The following ZNF483 variants were observed in gnomAD, a reference collection of about 807,000 sequenced individuals.
ZNF483 encodes zinc finger protein 483.
Under a neutral mutation model 28.6 loss-of-function variants are expected in ZNF483, and 9 were observed. The ratio of observed to expected loss-of-function variants is 0.32; its 90% CI spans 0.19 to 0.55. The LOEUF (loss-of-function observed/expected upper bound fraction) is 0.55, where lower values mean the gene tolerates loss of function less well. Ranked by LOEUF, ZNF483 falls within the 20% of genes least tolerant of loss-of-function variation. ZNF483 has a pLI of 0.93. For missense variants in ZNF483, 675 were observed against 871.7 expected, an observed-to-expected ratio of 0.77 and a Z score of 2.84; for synonymous variants, 322 against 306.2, an observed-to-expected ratio of 1.05 and a Z score of -0.54.
chr9:111,562,830 T>C (rs937000447), intron 5 of ZNF483: 2 of 599,548 alleles, frequency 3.3e-6, no homozygotes, highest in Non-Finnish European at 4.7e-6. Context: ...CTCCCACTTA[T>C]GAATGAAAAC....
chr9:111,529,208 CTT>C (rs972443462), intron 2 of ZNF483, among the ~76,000 whole-genome samples: 1 of 151,658 alleles, frequency 6.6e-6, no homozygotes, highest in Non-Finnish European at 1.5e-5. Flanking sequence ...CCACTTTTCT[CTT>C]TGATTACGTA....
intron 5 of ZNF483, among the ~76,000 whole-genome samples, chr9:111,571,348 G>A (rs1357713414): frequency 1.3e-5 from 2 of 149,802 alleles, no homozygotes; most frequent in African/African-American, 4.8e-5. Flanking sequence ...GAAGGGGACT[G>A]CAGTGAGCTG....
At chr9:111,565,277 G>T (rs1287730491) in intron 5 of ZNF483, among the ~76,000 whole-genome samples, 1 of 152,166 alleles carries the variant, frequency 6.6e-6, no homozygotes, top group Non-Finnish European at 1.5e-5. Flanking sequence ...GTTGAAAAGA[G>T]AGAGGCCTGC....
downstream of ZNF483, among the ~76,000 whole-genome samples, chr9:111,557,482 GTC>G (rs1828159413): frequency 6.6e-6 from 1 of 151,616 alleles, no homozygotes; most frequent in African/African-American, 2.4e-5. Context: ...GTCTCGCTCT[GTC>G]TCTCAGGCTG....
chr9:111,544,115 C>T lies in ZNF483; in HGVS notation c.*945C>T. 1 of 985,432 alleles carries T rather than the reference C, an allele frequency of 1.0e-6. No individual in the cohort carries two copies. The highest frequency in any genetic ancestry group is 1.2e-6 in the Non-Finnish European group (1 of 829,962). The allele number at this position is 985,432 out of a possible 1,614,324, so 61.0% of individuals were successfully genotyped here. ...CCAACAGGACTGAGAAGCCAGAGAG[C>T]TTGCACCTGAGCCATCTCAGCCGTG... is the stretch of plus-strand genomic sequence containing the variant. On this transcript the variant is annotated 3_prime_UTR_variant, in exon 6 of 6. Coordinates refer to ENST00000309235, the MANE Select transcript of ZNF483 (RefSeq NM_133464.5).
At chr9:111,537,634 A>G (rs1827550189) in intron 5 of ZNF483, among the ~76,000 whole-genome samples, 1 of 151,540 alleles carries the variant, frequency 6.6e-6, no homozygotes, top group Non-Finnish European at 1.5e-5. Flanking sequence ...AGTTATTATT[A>G]TTATTATTTT....
In ZNF483 at chr9:111,543,149, G is replaced by T; in HGVS notation, c.2214G>T (p.Arg738=). 1 of 1,608,408 alleles carries T rather than the reference G, an allele frequency of 6.2e-7. No individual in the cohort carries two copies. The highest frequency in any genetic ancestry group is 1.1e-5 in the South Asian group (1 of 90,152). The change falls in exon 6 of 6, where the codon CGG becomes CGT. Residue 738 remains arginine, a synonymous_variant. Coordinates refer to ENST00000309235, the MANE Select transcript of ZNF483 (RefSeq NM_133464.5). The part of the protein sequence containing the change: ...FKSNSGLIRH[R]GFHSAE ...GTAATTCAGGCCTCATTAGACATCG[G>T]GGATTTCACTCTGCAGAGTAATCCT...
At position 111,551,590 on chromosome 9, in the gene ZNF483, C is replaced by T. The variant is rs1037081779; in HGVS notation, c.*8420C>T. Among the ~76,000 whole-genome samples the T allele has an allele frequency of 1.9e-4, 29 of 151,440 alleles. No homozygotes were observed. The highest frequency in any genetic ancestry group is 6.6e-4 in the African/African-American group (27 of 41,216). On this transcript the variant is annotated 3_prime_UTR_variant, in exon 6 of 6. Coordinates refer to ENST00000309235, the MANE Select transcript of ZNF483 (RefSeq NM_133464.5). ...GCCTGGCTAATTATTTTAGTAGAGG[C>T]GGGGTTTCACTGTGTTGCCCAGGCT... is the stretch of plus-strand genomic sequence containing the variant.
At chr9:111,561,851 T>A (rs1036383933) in intron 5 of ZNF483, among the ~76,000 whole-genome samples, 1 of 152,194 alleles carries the variant, frequency 6.6e-6, no homozygotes, top group African/African-American at 2.4e-5. Flanking sequence ...ACCTAATATA[T>A]GCCAGGCATT....
Position 111,555,334 on chromosome 9 carries a change from T to C in ZNF483, c.*12164T>C, listed in dbSNP as rs1183662303. 6.6e-6 allele frequency among the ~76,000 whole-genome samples: 1 copy of C among 152,104 alleles called. No homozygotes were observed. The highest frequency in any genetic ancestry group is 1.9e-4 in the East Asian group (1 of 5,196). On this transcript the variant is annotated 3_prime_UTR_variant, in exon 6 of 6. Transcript: ENST00000309235. ...CTGTTCTGTGCACATTTTCAAACTC[T>C]TTAGCCTCTGATTTTCTCCCTACTT...
downstream of ZNF483, among the ~76,000 whole-genome samples, chr9:111,557,360 C>T (rs544285658): frequency 1.2e-4 from 18 of 150,402 alleles, no homozygotes; most frequent in East Asian, 2.0e-4. Flanking sequence ...GGCGACAGAT[C>T]GAGACTCCAT....
chr9:111,556,884 C>T (rs947737495), downstream of ZNF483, among the ~76,000 whole-genome samples: 2 of 152,196 alleles, frequency 1.3e-5, no homozygotes, highest in Non-Finnish European at 2.9e-5. Flanking sequence ...TCAATTAAGC[C>T]CAAGCTATAC....
exon 6 of ZNF483, chr9:111,577,305 C>G (rs1168086854): frequency 2.0e-5 from 3 of 152,068 alleles, no homozygotes; most frequent in African/African-American, 4.8e-5. Context: ...AAAAGACAGA[C>G]AATAGCACGT....
At position 111,542,576 on chromosome 9, in the gene ZNF483, A is replaced by G. The variant is rs1827701060; in HGVS notation, c.1641A>G (p.Gly547=). The G allele has an allele frequency of 6.2e-7, 1 of 1,614,032 alleles. No individual in the cohort carries two copies. The highest frequency in any genetic ancestry group is 8.5e-7 in the Non-Finnish European group (1 of 1,180,026). ...SLIQHQRIHT[G]EKPYTCSNCG... The stretch of plus-strand genomic sequence containing the variant: ...TTCAACATCAGCGAATTCATACTGG[A>G]GAAAAACCCTATACATGTAGCAATT... Residue 547 remains glycine (G), a synonymous_variant, in exon 6 of 6, where the codon GGA becomes GGG. Transcript: ENST00000309235. This position sits in a 1 kb window ranked among gnomAD's most constrained non-coding sequence, Gnocchi z 6.2.
intron 5 of ZNF483, chr9:111,575,364 A>G (rs1472897222): frequency 1.3e-5 from 2 of 152,386 alleles, no homozygotes; most frequent in East Asian, 3.8e-4. Context: ...TACCTTTTAT[A>G]ACTTATACAT....
At chr9:111,539,943 C>A (rs985913267) in intron 5 of ZNF483, among the ~76,000 whole-genome samples, 1 of 151,890 alleles carries the variant, frequency 6.6e-6, no homozygotes, top group African/African-American at 2.4e-5. Context: ...CAGCCTGATC[C>A]GCGCAGGGAG....
At chr9:111,532,904 G>A (rs1283894198) in intron 3 of ZNF483, among the ~76,000 whole-genome samples, 1 of 148,780 alleles carries the variant, frequency 6.7e-6, no homozygotes, top group African/African-American at 2.5e-5. Flanking sequence ...GTGAGACTCC[G>A]TCTCAAAAAA....
rs1296534295 is a variant in ZNF483, at chr9:111,548,480, ATTTG to A, written c.*5314_*5317del. On this transcript the variant is annotated 3_prime_UTR_variant, in exon 6 of 6. Coordinates refer to ENST00000309235, the MANE Select transcript of ZNF483 (RefSeq NM_133464.5). ...ATTTTGTATCTTGCAACTTTGCTGA[ATTTG>A]TTTATTAGTCATAATAGTTTCTTGT... Among the ~76,000 whole-genome samples, 7 of 152,160 alleles carry A rather than the reference ATTTG, an allele frequency of 4.6e-5. No homozygotes were observed. The East Asian group carries it at 5.8e-4, about 13-fold the overall frequency.
chr9:111,558,310 G>A (rs1171610843), downstream of ZNF483, among the ~76,000 whole-genome samples: 1 of 152,022 alleles, frequency 6.6e-6, no homozygotes, highest in Non-Finnish European at 1.5e-5. Flanking sequence ...TTGTCTAGTG[G>A]GAGCCCTTTC....
Sources: allele counts gnomAD v4.1 joint callset (sites outside exome capture counted in the v4.1 genomes callset), GRCh38; gene constraint gnomAD v4.1.1; non-coding constraint Gnocchi (gnomAD v3.1); transcripts MANE v1.5; gene names NCBI Gene and HGNC (gene_info 2026-07-23, HGNC 2026-07-21).